The following TPO variants were observed in gnomAD, a reference collection of about 807,000 sequenced individuals.
The protein encoded by TPO is thyroid peroxidase.
In TPO, 78 loss-of-function variants were observed where a neutral mutation model predicts 96.9. The observed-to-expected ratio is 0.81, with a 90% CI of 0.67 to 0.97. The LOEUF is 0.97. TPO is among the 50% of genes least tolerant of loss of function. TPO has a pLI of 0.00. For synonymous variants in TPO, 547 were observed against 538.0 expected, an observed-to-expected ratio of 1.02 and a Z score of -0.23; for missense variants, 1,252 against 1,274.8, an observed-to-expected ratio of 0.98 and a Z score of 0.27.
At chr2:1,463,272 T>C (rs1264242579) in intron 7 of TPO, among the ~76,000 whole-genome samples, 2 of 152,118 alleles carry the variant, frequency 1.3e-5, no homozygotes, top group Non-Finnish European at 2.9e-5. Context: ...AGTAGTTGAG[T>C]GATTGAGCTA....
At chr2:1,454,705 T>A (rs1028791307) in intron 6 of TPO, among the ~76,000 whole-genome samples, 3 of 152,196 alleles carry the variant, frequency 2.0e-5, no homozygotes, top group Non-Finnish European at 4.4e-5. Flanking sequence ...GGGATAAGAC[T>A]GTCTTACCCA....
chr2:1,480,809 C>CTGT (rs1670539562), intron 8 of TPO, among the ~76,000 whole-genome samples: 1 of 152,098 alleles, frequency 6.6e-6, no homozygotes, highest in Non-Finnish European at 1.5e-5. Flanking sequence ...CCTGCTGCAT[C>CTGT]CGTCCACACC....
intron 1 of TPO, among the ~76,000 whole-genome samples, chr2:1,400,568 CAAAAAA>C (rs34242408): frequency 2.2e-4 from 16 of 71,604 alleles, no homozygotes; most frequent in African/African-American, 8.8e-4. Context: ...GACTCTGTCT[CAAAAAA>C]AAAAAAAAAA....
intron 3 of TPO, among the ~76,000 whole-genome samples, chr2:1,426,329 G>A (rs977822982): frequency 1.7e-4 from 25 of 149,016 alleles, no homozygotes; most frequent in African/African-American, 4.4e-4. Context: ...AGATGAGTTC[G>A]ATCATTTCAT....
At chr2:1,503,780 T>C in intron 13 of TPO, 168 bp from the exon 14 acceptor site, 1 of 1,272,478 alleles carries the variant, frequency 7.9e-7, no homozygotes, top group Non-Finnish European at 1.1e-6. Flanking sequence ...TCATCACCTT[T>C]TCGGATGTGC....
intron 3 of TPO, among the ~76,000 whole-genome samples, chr2:1,432,213 G>C (rs946453992): frequency 2.6e-5 from 4 of 152,276 alleles, no homozygotes; most frequent in Non-Finnish European, 4.4e-5. Flanking sequence ...CAGACAAGAA[G>C]GATGGTGAAC....
rs116737359 is a variant in TPO at position 1,403,142 on chromosome 2, G to A, written n.180+28740G>A. Among the ~76,000 whole-genome samples, 932 of 152,264 alleles carry A rather than the reference G, an allele frequency of 6.1e-3. 12 individuals are homozygous for A. The highest frequency in any genetic ancestry group is 0.02 in the African/African-American group (835 of 41,542). On this transcript the variant is annotated intron_variant and non_coding_transcript_variant, in intron 1 of 5. Transcript: ENST00000497517. ...GACCTAAGCCCTTTTTTTAAGTGGT[G>A]TATTTAAGTGACTACCTTTACTTTG...
chr2:1,512,039 C>CTT (rs879936687), intron 14 of TPO, among the ~76,000 whole-genome samples: 2 of 147,136 alleles, frequency 1.4e-5, no homozygotes, highest in Non-Finnish European at 1.5e-5. Context: ...TTTCCTGCAT[C>CTT]TTTTTTTTTT....
chr2:1,388,908 T>C, intron 1 of TPO, among the ~76,000 whole-genome samples: 1 of 152,206 alleles, frequency 6.6e-6, no homozygotes. Context: ...CCTAGACGGG[T>C]CAGAATTCTC....
chr2:1,534,870 G>A (rs1234489598), intron 15 of TPO, among the ~76,000 whole-genome samples: 1 of 115,310 alleles, frequency 8.7e-6, no homozygotes, highest in Admixed American at 1.2e-4. Flanking sequence ...TCCCACCACT[G>A]TGCACAACCT....
intron 15 of TPO, among the ~76,000 whole-genome samples, chr2:1,527,433 G>A (rs1193316512): frequency 8.7e-6 from 1 of 114,478 alleles, no homozygotes; most frequent in Non-Finnish European, 1.7e-5. Flanking sequence ...CTCCGCCACT[G>A]TGAGCAACCT....
intron 10 of TPO, among the ~76,000 whole-genome samples, chr2:1,493,209 TG>T (rs3036079): frequency 0.032 from 552 of 17,454 alleles, 13 homozygotes; most frequent in African/African-American, 0.058. Context: ...TGTGAGTGGG[TG>T]GGGGGGGGGG....
Position 1,542,749 on chromosome 2 carries a change from C to T in TPO, c.*275C>T. 1.1e-6 allele frequency: 1 copy of T among 888,090 alleles called. No individual in the cohort carries two copies. Among genetic ancestry groups the T allele is most frequent in the Non-Finnish European group, 1.7e-6 (1 of 599,470 alleles). The allele number at this position is 888,090 out of a possible 1,614,324, so 55.0% of individuals were successfully genotyped here. On this transcript the variant is annotated 3_prime_UTR_variant, in exon 17 of 17. Coordinates refer to ENST00000329066, the MANE Select transcript of TPO (RefSeq NM_001206744.2). ...ATTACACATCTTTATTTTGTGAACC[C>T]TGGAAACACCACTCTTGCAATCCTC... is the stretch of plus-strand genomic sequence containing the variant.
At chr2:1,471,785 G>A (rs13404230) in intron 7 of TPO, among the ~76,000 whole-genome samples, 1 of 152,278 alleles carries the variant, frequency 6.6e-6, no homozygotes, top group Non-Finnish European at 1.5e-5. Context: ...AGACAGCATA[G>A]TGGGCTCAAA....
chr2:1,497,991 C>CAAAAAA (rs543921082), intron 13 of TPO, among the ~76,000 whole-genome samples: 2 of 87,270 alleles, frequency 2.3e-5, no homozygotes, highest in African/African-American at 9.5e-5. Context: ...CCCCATCTAC[C>CAAAAAA]AAAAAAAAAA....
intron 15 of TPO, among the ~76,000 whole-genome samples, chr2:1,539,911 A>G (rs1220680219): frequency 6.6e-6 from 1 of 152,122 alleles, no homozygotes; most frequent in Non-Finnish European, 1.5e-5. Flanking sequence ...GAATCAAGGG[A>G]AACAAACAGC....
chr2:1,456,172 A>G lies in TPO; in HGVS notation c.709A>G (p.Ile237Val), dbSNP rs1667766322. Residue 237 changes from isoleucine to valine, a missense_variant, in exon 7 of 17, where the codon ATC (isoleucine) becomes GTC (valine). By Grantham distance (29) the Ile-to-Val change is conservative. Coordinates refer to ENST00000329066, the MANE Select transcript of TPO (RefSeq NM_001206744.2). The stretch of plus-strand genomic sequence containing the variant: ...CCTCCTGATGGCATGGGGACAATAC[A>G]TCGACCACGACATCGCGTTCACACC... ...SDLLMAWGQY[I>V]DHDIAFTPQS... 2 of 1,614,094 alleles carry G rather than the reference A, an allele frequency of 1.2e-6. No homozygotes were observed. Among genetic ancestry groups the G allele is most frequent in the Non-Finnish European group, 1.7e-6 (2 of 1,180,028 alleles).
chr2:1,443,238 G>T (rs1666369472), intron 5 of TPO, among the ~76,000 whole-genome samples: 1 of 152,218 alleles, frequency 6.6e-6, no homozygotes, highest in African/African-American at 2.4e-5. Flanking sequence ...AATGGGGCAG[G>T]CTCCTTCTTG....
rs767101697 is a variant in TPO at position 1,477,198 on chromosome 2, C to T, written c.932C>T (p.Ala311Val). Residue 311 changes from alanine (A) to valine (V), a missense_variant, in exon 8 of 17, where the codon GCC becomes GTC. By Grantham distance (64) the Ala-to-Val change is moderately conservative. Coordinates refer to ENST00000329066, the MANE Select transcript of TPO (RefSeq NM_001206744.2). The stretch of plus-strand genomic sequence containing the variant: ...GCGCTCTTTGGGAACCTGTCCACGG[C>T]CAACCCGCGGCAGCAGATGAACGGG... Reference protein sequence around the residue: ...QGALFGNLSTANPRQQMNGLT... With the variant: ...QGALFGNLSTVNPRQQMNGLT... 44 of 1,609,882 alleles carry T rather than the reference C, an allele frequency of 2.7e-5. No homozygotes were observed. The highest frequency in any genetic ancestry group is 3.7e-5 in the Non-Finnish European group (44 of 1,178,970).
Sources: gnomAD v4.1 joint callset for allele counts (sites outside exome capture counted in the v4.1 genomes callset) on GRCh38, gnomAD v4.1.1 for gene constraint, MANE v1.5 for transcripts, NCBI Gene and HGNC (gene_info 2026-07-23, HGNC 2026-07-21) for gene names.